The following ARHGEF4 variants were observed in gnomAD, a reference collection of about 807,000 sequenced individuals.
ARHGEF4 encodes APC-stimulated guanine nucleotide exchange factor 1.
Under a neutral mutation model 162.0 loss-of-function variants are expected in ARHGEF4, and 119 were observed. The observed-to-expected ratio is 0.73, with a 90% CI of 0.63 to 0.86. ARHGEF4 has a LOEUF of 0.86. Among genes scored for constraint, ARHGEF4 ranks in the 40% least tolerant of loss-of-function variants. The pLI is 0.00. For missense variants in ARHGEF4, 2,488 were observed against 2,456.0 expected, an observed-to-expected ratio of 1.01 and a Z score of -0.28; for synonymous variants, 1,014 against 979.9, an observed-to-expected ratio of 1.03 and a Z score of -0.65.
At chr2:130,893,506 T>C (rs949394010) in intron 1 of ARHGEF4, among the ~76,000 whole-genome samples, 4 of 152,244 alleles carry the variant, frequency 2.6e-5, no homozygotes, top group African/African-American at 9.6e-5. Flanking sequence ...TCCTTGATCC[T>C]GTGCCTGCCA....
At chr2:130,860,401 T>A (rs930648484) in intron 1 of ARHGEF4, among the ~76,000 whole-genome samples, 1 of 64,862 alleles carries the variant, frequency 1.5e-5, no homozygotes, top group Non-Finnish European at 2.6e-5. Flanking sequence ...TAGGGTGGAA[T>A]ACTGCTCAAC....
At chr2:130,920,402 G>A (rs529516390) in intron 2 of ARHGEF4, among the ~76,000 whole-genome samples, 136 of 152,330 alleles carry the variant, frequency 8.9e-4, no homozygotes, top group African/African-American at 3.2e-3. Context: ...CATGAAGCGG[G>A]TGCCAGATAA....
intron 2 of ARHGEF4, among the ~76,000 whole-genome samples, chr2:130,919,241 G>C (rs1380108615): frequency 1.3e-5 from 2 of 152,070 alleles, no homozygotes; most frequent in East Asian, 1.9e-4. Flanking sequence ...TATAAATAAC[G>C]CTTCAGCAGC....
At chr2:131,022,666 A>C (rs1042079381) in intron 4 of ARHGEF4, among the ~76,000 whole-genome samples, 11 of 151,646 alleles carry the variant, frequency 7.3e-5, no homozygotes, top group Admixed American at 2.6e-4. Flanking sequence ...ACAAAAAAAA[A>C]AAAAACAAAA....
intron 4 of ARHGEF4, among the ~76,000 whole-genome samples, chr2:130,975,062 C>T (rs1364348241): frequency 2.0e-5 from 3 of 152,080 alleles, no homozygotes; most frequent in Non-Finnish European, 2.9e-5. Context: ...TCTGTGACCC[C>T]CAGGGGTTGC....
chr2:130,851,513 T>A (rs964239122), intron 1 of ARHGEF4, among the ~76,000 whole-genome samples: 2 of 152,196 alleles, frequency 1.3e-5, no homozygotes, highest in Non-Finnish European at 2.9e-5. Context: ...GGCCTGCCCT[T>A]CGCCCACCGT....
At chr2:130,925,764 T>G (rs961686950) in intron 2 of ARHGEF4, among the ~76,000 whole-genome samples, 1 of 152,210 alleles carries the variant, frequency 6.6e-6, no homozygotes, top group African/African-American at 2.4e-5. Context: ...TGTCCTTAGA[T>G]TTCAGAAGTT....
chr2:130,886,437 T>TG, intron 1 of ARHGEF4, among the ~76,000 whole-genome samples: 1 of 152,008 alleles, frequency 6.6e-6, no homozygotes, highest in South Asian at 2.1e-4. Flanking sequence ...CCCAGCACTT[T>TG]GGGAGGCTGA....
At chr2:131,018,915 T>C (rs1688924255) in intron 4 of ARHGEF4, among the ~76,000 whole-genome samples, 1 of 152,244 alleles carries the variant, frequency 6.6e-6, no homozygotes, top group South Asian at 2.1e-4. Flanking sequence ...GGTTTATTTC[T>C]GGATCCTCTA....
chr2:130,875,243 T>A (rs907606455), intron 1 of ARHGEF4, among the ~76,000 whole-genome samples: 4 of 152,186 alleles, frequency 2.6e-5, no homozygotes, highest in African/African-American at 9.7e-5. Context: ...ATTAGCGCAT[T>A]GCTTGGCTTT....
intron 1 of ARHGEF4, among the ~76,000 whole-genome samples, chr2:130,850,246 C>A (rs1392442075): frequency 6.6e-6 from 1 of 152,202 alleles, no homozygotes; most frequent in Non-Finnish European, 1.5e-5. Flanking sequence ...TGGGATCAGG[C>A]CTGTCTGTAC....
rs566081281 is a variant in ARHGEF4, at chr2:130,947,616, T to C, written c.3985+981T>C. ...TGAGTTTTATGGCAGCCTGTATGAG[T>C]CCTTTCTCCAAACTATAGCAAATAG... On this transcript the variant is annotated intron_variant, in intron 4 of 13. Coordinates refer to ENST00000409359, the MANE Select transcript of ARHGEF4 (RefSeq NM_001367493.1). Among the ~76,000 whole-genome samples the C allele has an allele frequency of 1.2e-3, 188 of 152,120 alleles. 1 individual carries two copies. The highest frequency in any genetic ancestry group is 8.1e-4 in the Non-Finnish European group (55 of 68,012).
At chr2:130,909,929 C>CA (rs1311716261) in intron 1 of ARHGEF4, among the ~76,000 whole-genome samples, 1 of 151,770 alleles carries the variant, frequency 6.6e-6, no homozygotes, top group Non-Finnish European at 1.5e-5. Flanking sequence ...ATTCCCAGGA[C>CA]AAAAAAAGAA....
chr2:131,001,901 G>C (rs1047827267), intron 4 of ARHGEF4, among the ~76,000 whole-genome samples: 1 of 152,182 alleles, frequency 6.6e-6, no homozygotes, highest in Non-Finnish European at 1.5e-5. Flanking sequence ...CCTCTGGAGA[G>C]GAAGCTAGGG....
At chr2:131,009,600 A>T (rs1022395624) in intron 4 of ARHGEF4, among the ~76,000 whole-genome samples, 4 of 151,994 alleles carry the variant, frequency 2.6e-5, no homozygotes, top group Non-Finnish European at 5.9e-5. Flanking sequence ...TCAAGCTGCT[A>T]TTTCTTTCAG....
intron 4 of ARHGEF4, among the ~76,000 whole-genome samples, chr2:131,021,055 T>G (rs1689094407): frequency 6.6e-6 from 1 of 152,202 alleles, no homozygotes; most frequent in Admixed American, 6.5e-5. Context: ...CTTGTAAATT[T>G]GTTTGAGTTC....
In ARHGEF4 at chr2:131,027,959, G is replaced by C. The variant is rs1481306860; in HGVS notation, c.4000G>C (p.Ala1334Pro). The change falls in exon 5 of 14, where the codon GCT (alanine) becomes CCT (proline). Residue 1334 changes from alanine (A) to proline (P), a missense_variant. Physicochemically the swap from Ala to Pro is conservative, Grantham distance 27. Transcript: ENST00000409359. ...TCTCCTTCCAGCCATGCCTGATGGA[G>C]CTCTGGACACAGCTGTCTGCGCTGA... is the stretch of plus-strand genomic sequence containing the variant. Reference protein sequence around the residue: ...HTPGTAMPDGALDTAVCADEV... With the variant: ...HTPGTAMPDGPLDTAVCADEV... 6.2e-7 allele frequency: 1 copy of C among 1,614,010 alleles called. No homozygotes were observed. The highest frequency in any genetic ancestry group is 2.2e-5 in the East Asian group (1 of 44,890).
At chr2:131,038,113 C>CA (rs1468482833) in intron 5 of ARHGEF4, among the ~76,000 whole-genome samples, 1 of 152,170 alleles carries the variant, frequency 6.6e-6, no homozygotes, top group African/African-American at 2.4e-5. Flanking sequence ...AAGCTCCAAT[C>CA]ACTCCAATGG....
chr2:131,039,281 C>T (rs900608898), intron 6 of ARHGEF4: 2 of 1,274,750 alleles, frequency 1.6e-6, no homozygotes, highest in Non-Finnish European at 1.0e-6. Context: ...AGACACTAGG[C>T]ACCCCTCTGC....
Sources: gnomAD v4.1 joint callset for allele counts (sites outside exome capture counted in the v4.1 genomes callset) on GRCh38, gnomAD v4.1.1 for gene constraint, MANE v1.5 for transcripts, NCBI Gene and HGNC (gene_info 2026-07-23, HGNC 2026-07-21) for gene names.